HR: variants seen among roughly 807,000 people sequenced by gnomAD.
HR encodes the protein HR lysine demethylase and nuclear receptor corepressor.
Under a neutral mutation model 128.6 loss-of-function variants are expected in HR, and 83 were observed. The ratio of observed to expected loss-of-function variants is 0.65; its 90% CI spans 0.54 to 0.77. HR has a LOEUF of 0.77. Among genes scored for constraint, HR ranks in the 30% least tolerant of loss-of-function variants. The probability of loss-of-function intolerance (pLI) is 0.00; values close to 1 mark genes in which losing one functional copy is unlikely to be tolerated. For synonymous variants in HR, 681 were observed against 658.2 expected (o/e 1.03, Z -0.53); for missense variants, 1,490 against 1,574.6 (o/e 0.95, Z 0.91).
At position 22,116,288 on chromosome 8, in the gene HR, C is replaced by T. The variant is rs79262499; in HGVS notation, c.3507+12G>A. 370 of 1,611,918 alleles carry T rather than the reference C, an allele frequency of 2.3e-4. 2 individuals carry two copies. In the African/African-American group the frequency reaches 4.5e-3, roughly 20 times the overall value. On this transcript the variant is annotated intron_variant, in intron 18 of 18. Coordinates refer to ENST00000381418, the MANE Select transcript of HR (RefSeq NM_005144.5). The surrounding 1 kb of genome is among the most constrained non-coding windows in gnomAD (Gnocchi z 4.2). ...GTAGCACACCCAGCCTGCTGGCCCA[C>T]ATCCCACTCACCTGGGCATAAAGCA...
rs1826592120 is a variant in HR, at chr8:22,116,523, C to T, written c.3379-95G>A. The T allele has an allele frequency of 2.2e-6, 3 of 1,372,274 alleles. No individual in the cohort carries two copies. The highest frequency in any genetic ancestry group is 1.5e-5 in the African/African-American group (1 of 65,358). 85.0% of individuals were successfully genotyped at this position (1,372,274 alleles called of 1,614,324 possible). On this transcript the variant is annotated intron_variant, in intron 17 of 18. Coordinates refer to ENST00000381418, the MANE Select transcript of HR (RefSeq NM_005144.5). This position sits in a 1 kb window ranked among gnomAD's most constrained non-coding sequence, Gnocchi z 4.2. ...GGTTCGCTTCCTCTAATGACAACCA[C>T]CCCCGACCCCTGGCTCTCAGAGAGC...
rs529236835 is a variant in HR at position 22,118,685 on chromosome 8, C to A, written c.3213+265G>T. The A allele has an allele frequency of 1.6e-5, 9 of 553,294 alleles. No individual in the cohort carries two copies. The South Asian group carries it at 1.9e-4, about 12-fold the overall frequency. The allele number at this position is 553,294 out of a possible 1,614,324, so 34.3% of individuals were successfully genotyped here. A position where few individuals can be genotyped will look rare whatever the true frequency, so the allele number is the denominator to read the frequency against. ...AATTGTGCCTAAGGCCCTAGCACCACGTCCAGCCTCGGGCAGCTGGTGCTC... is the reference window on the plus strand; with the variant it reads ...AATTGTGCCTAAGGCCCTAGCACCAAGTCCAGCCTCGGGCAGCTGGTGCTC... On this transcript the variant is annotated intron_variant, in intron 16 of 18. Coordinates refer to ENST00000381418, the MANE Select transcript of HR (RefSeq NM_005144.5).
intron 9 of HR, 62 bp from the exon 10 acceptor site, chr8:22,121,290 C>G (rs1483443807): frequency 6.3e-7 from 1 of 1,581,930 alleles, no homozygotes; most frequent in South Asian, 1.2e-5. Context: ...CCTCGAGGCC[C>G]TCTTGCCCAT....
chr8:22,125,222 A>C, intron 5 of HR, 89 bp downstream of exon 5: 7 of 1,372,402 alleles, frequency 5.1e-6, no homozygotes, highest in East Asian at 2.5e-5. Context: ...CCTTAGGTCT[A>C]GGAGCTGGCA....
In HR at chr8:22,115,445, C is replaced by T. The variant is rs1015688797; in HGVS notation, c.*255G>A. 57 of 585,128 alleles carry T rather than the reference C, an allele frequency of 9.7e-5. No individual in the cohort carries two copies. The highest frequency in any genetic ancestry group is 9.4e-4 in the Middle Eastern group (2 of 2,138). 36.2% of individuals were successfully genotyped at this position (585,128 alleles called of 1,614,324 possible). The stretch of plus-strand genomic sequence containing the variant: ...TGGAGGAAGTCAATTGCCCCCAGTG[C>T]GGGCCTGGTACCATGAAAAGGGGCA... On this transcript the variant is annotated 3_prime_UTR_variant, in exon 19 of 19. Transcript: ENST00000381418.
chr8:22,120,385 G>T lies in HR; in HGVS notation c.2733C>A (p.Ser911Arg), dbSNP rs11990451. Residue 911 changes from serine (S) to arginine (R), a missense_variant, in exon 12 of 19, where the codon AGC becomes AGA. By Grantham distance (110) the Ser-to-Arg change is moderately radical (BLOSUM62 -1). Coordinates refer to ENST00000381418, the MANE Select transcript of HR (RefSeq NM_005144.5). Reference sequence around the variant, plus strand: ...CCTCCCAGAATGTTGTGCTGCCCAGGCTGCTGGGCTGGGGAGGTCCGAGGG... The same window carrying T: ...CCTCCCAGAATGTTGTGCTGCCCAGTCTGCTGGGCTGGGGAGGTCCGAGGG... ...LSPLGPPQPSSLGSTTFWEGF... is the reference protein window; with the variant it reads ...LSPLGPPQPSRLGSTTFWEGF... The T allele has an allele frequency of 9.8e-3, 15,887 of 1,613,912 alleles. 1,311 individuals carry two copies. The African/African-American group carries it at 0.18, about 18-fold the overall frequency.
At chr8:22,123,617 TCCCGCC>T in intron 6 of HR, 26 bp downstream of exon 6, 74 of 292,022 alleles carry the variant, frequency 2.5e-4, no homozygotes, top group East Asian at 5.4e-4. Flanking sequence ...GAGGGCTCCA[TCCCGCC>T]CTCCCACCCC....
chr8:22,118,128 C>T (rs1052224726), intron 16 of HR: 1 of 152,446 alleles, frequency 6.6e-6, no homozygotes, highest in Non-Finnish European at 1.5e-5. Context: ...ATGTGTGTAC[C>T]TGTGGGCAGG....
intron 13 of HR, 25 bp from the exon 14 acceptor site, chr8:22,119,915 A>T: frequency 6.2e-7 from 1 of 1,612,788 alleles, no homozygotes; most frequent in Non-Finnish European, 8.5e-7. Flanking sequence ...GGTCATGCCC[A>T]GCAGGCCCAA....
At position 22,123,631 on chromosome 8, in the gene HR, C is replaced by G; in HGVS notation, c.1915+18G>C. ...TGAGGGCTCCATCCCGCCCTCCCAC[C>G]CCCAGCCCCTCTCCTACCTGCTTTC... On this transcript the variant is annotated intron_variant, in intron 6 of 18. Coordinates refer to ENST00000381418, the MANE Select transcript of HR (RefSeq NM_005144.5). 1 of 1,429,758 alleles carries G rather than the reference C, an allele frequency of 7.0e-7. No individual in the cohort carries two copies. Among genetic ancestry groups the G allele is most frequent in the Non-Finnish European group, 9.5e-7 (1 of 1,056,152 alleles). 88.6% of individuals were successfully genotyped at this position (1,429,758 alleles called of 1,614,324 possible). A position where few individuals can be genotyped will look rare whatever the true frequency, so the allele number is the denominator to read the frequency against.
Position 22,128,851 on chromosome 8 carries a change from G to A in HR, c.320C>T (p.Pro107Leu), listed in dbSNP as rs141011340. 49 of 1,613,296 alleles carry A rather than the reference G, an allele frequency of 3.0e-5. No individual in the cohort carries two copies. The highest frequency in any genetic ancestry group is 4.5e-5 in the East Asian group (2 of 44,896). Residue 107 changes from proline to leucine, a missense_variant, in exon 2 of 19, where the codon CCG becomes CTG. Around this residue, in one of 3 missense-constraint regions of HR, gnomAD observed 1,060 missense variants for 1,060.9 expected, o/e 1.00. Transcript: ENST00000381418. ...GCACGCTGGCCCGCAGAATGCCAGCGGATGGGTAAGCATGGCCTCCTTCCA... is the reference window on the plus strand; with the variant it reads ...GCACGCTGGCCCGCAGAATGCCAGCAGATGGGTAAGCATGGCCTCCTTCCA... Reference protein sequence around the residue: ...LRWKEAMLTHPLAFCGPACPP... With the variant: ...LRWKEAMLTHLLAFCGPACPP...
intron 9 of HR, 130 bp downstream of exon 9, chr8:22,121,483 T>C (rs896024059): frequency 3.1e-6 from 3 of 981,278 alleles, no homozygotes; most frequent in African/African-American, 3.3e-5. Flanking sequence ...CTGAGGGGAG[T>C]AGTGGAGATT....
At chr8:22,129,897 G>A (rs577317022) in intron 1 of HR, among the ~76,000 whole-genome samples, 2 of 152,342 alleles carry the variant, frequency 1.3e-5, no homozygotes, top group African/African-American at 4.8e-5. Flanking sequence ...GACAACTGCA[G>A]GGGGCTAGGA....
Position 22,122,631 on chromosome 8 carries a change from G to A in HR, c.2006-23C>T, listed in dbSNP as rs779195078. 10 of 1,581,454 alleles carry A rather than the reference G, an allele frequency of 6.3e-6. No homozygotes were observed. The South Asian group carries it at 1.1e-4, about 18-fold the overall frequency. ...AAGCTGGGGGTGGGGGTGGGCAGGA[G>A]AGGGAGGTTGGTGGTGAGTGTAGAC... On this transcript the variant is annotated intron_variant, in intron 7 of 18. Transcript: ENST00000381418.
chr8:22,122,138 G>A (rs565310928), intron 8 of HR, among the ~76,000 whole-genome samples: 1 of 152,342 alleles, frequency 6.6e-6, no homozygotes, highest in East Asian at 1.9e-4. Flanking sequence ...CTAGGTGTTA[G>A]GTGCCGGGAT....
In HR at chr8:22,127,156, T is replaced by C. The variant is rs776722118; in HGVS notation, c.1286A>G (p.Lys429Arg). 7 of 1,612,388 alleles carry C rather than the reference T, an allele frequency of 4.3e-6. No individual in the cohort carries two copies. The highest frequency in any genetic ancestry group is 1.3e-5 in the African/African-American group (1 of 74,924). ...VQGAMGSPAP[K>R]RPPDPFPGTA... ...GCCTGGAAAAGGGTCCGGTGGCCGC[T>C]TGGGGGCTGGACTGCCCATTGCTCC... is the stretch of plus-strand genomic sequence containing the variant. The change falls in exon 3 of 19, where the codon AAG becomes AGG. Residue 429 changes from lysine to arginine, a missense_variant. Around this residue, in one of 3 missense-constraint regions of HR, gnomAD observed 1,060 missense variants for 1,060.9 expected, o/e 1.00. Coordinates refer to ENST00000381418, the MANE Select transcript of HR (RefSeq NM_005144.5).
chr8:22,125,213 CT>C, intron 5 of HR, 97 bp downstream of exon 5: 1 of 1,297,156 alleles, frequency 7.7e-7, no homozygotes, highest in Non-Finnish European at 1.1e-6. Context: ...CTGAGGTTGC[CT>C]TAGGTCTAGG....
At chr8:22,117,107 T>A in intron 16 of HR, 68 bp from the exon 17 acceptor site, 2 of 1,409,782 alleles carry the variant, frequency 1.4e-6, no homozygotes, top group Non-Finnish European at 1.9e-6. Flanking sequence ...GGATGGGGCA[T>A]GGACTTTCCA....
intron 2 of HR, 69 bp downstream of exon 2, chr8:22,128,490 C>T: frequency 6.3e-7 from 1 of 1,594,450 alleles, no homozygotes; most frequent in Non-Finnish European, 8.6e-7. Context: ...AGTGGAAGGG[C>T]ATCTTGGGGA....
Sources: allele counts gnomAD v4.1 joint callset (sites outside exome capture counted in the v4.1 genomes callset), GRCh38; gene constraint gnomAD v4.1.1; regional missense constraint gnomAD v4.1.1; non-coding constraint Gnocchi (gnomAD v3.1); transcripts MANE v1.5; gene names NCBI Gene and HGNC (gene_info 2026-07-23, HGNC 2026-07-21).